Variants in CNTNAP2 observed in about 807,000 individuals in gnomAD.
The protein encoded by CNTNAP2 is contactin-associated protein-like 2.
In CNTNAP2, 98 loss-of-function variants were observed where a neutral mutation model predicts 155.2. That is an observed-to-expected ratio of 0.63 (90% confidence interval 0.54 to 0.75). The LOEUF (loss-of-function observed/expected upper bound fraction) is 0.75. Ranked by LOEUF, CNTNAP2 falls within the 30% of genes least tolerant of loss-of-function variation. The pLI is 0.00. For missense variants in CNTNAP2, 1,727 were observed against 1,688.1 expected, an observed-to-expected ratio of 1.02 and a Z score of -0.40; for synonymous variants, 651 against 631.2, an observed-to-expected ratio of 1.03 and a Z score of -0.47.
chr7:147,236,753 C>T (rs1803814213), intron 8 of CNTNAP2, among the ~76,000 whole-genome samples: 1 of 152,090 alleles, frequency 6.6e-6, no homozygotes, highest in South Asian at 2.1e-4. Flanking sequence ...ACCTGGGACT[C>T]ACCTTAGAGT....
At chr7:148,174,739 AT>A (rs1794903692) in intron 18 of CNTNAP2, among the ~76,000 whole-genome samples, 2 of 152,132 alleles carry the variant, frequency 1.3e-5, no homozygotes, top group Admixed American at 1.3e-4. Context: ...AAATACTAGT[AT>A]TTTTTCTTAT....
chr7:146,982,836 A>G (rs1798044634), intron 3 of CNTNAP2, among the ~76,000 whole-genome samples: 1 of 152,206 alleles, frequency 6.6e-6, no homozygotes, highest in Non-Finnish European at 1.5e-5. Context: ...ATTAACAGCA[A>G]TTGAAAATAA....
rs1425047414 is a variant in CNTNAP2 at position 148,068,149 on chromosome 7, C to G, written c.2384-49969C>G. 2.0e-5 allele frequency among the ~76,000 whole-genome samples: 3 copies of G among 152,302 alleles called. No homozygotes were observed. The East Asian group carries it at 5.8e-4, about 29-fold the overall frequency. On this transcript the variant is annotated intron_variant, in intron 15 of 23. Transcript: ENST00000361727. ...TGTAGCTTCTTTGCTCATATCTACA[C>G]TTTCTGTTCACCCCCTACCCCACCC...
intron 15 of CNTNAP2, among the ~76,000 whole-genome samples, chr7:148,008,265 G>A (rs752835948): frequency 1.9e-4 from 29 of 152,038 alleles, no homozygotes; most frequent in African/African-American, 6.0e-4. Context: ...CCAGCTACTC[G>A]GGAAGCTGAG....
chr7:148,332,119 A>G (rs1399917058), intron 21 of CNTNAP2, among the ~76,000 whole-genome samples: 2 of 151,814 alleles, frequency 1.3e-5, no homozygotes, highest in African/African-American at 4.8e-5. Context: ...ATAGATATAC[A>G]AAGAGATCAC....
chr7:148,261,563 G>A (rs1420132947), intron 20 of CNTNAP2, among the ~76,000 whole-genome samples: 1 of 152,210 alleles, frequency 6.6e-6, no homozygotes, highest in African/African-American at 2.4e-5. Flanking sequence ...TGCTGGAGAA[G>A]GTGTGTCTGC....
intron 14 of CNTNAP2, 117 bp downstream of exon 14, chr7:147,903,838 G>T: frequency 2.3e-6 from 3 of 1,304,798 alleles, no homozygotes; most frequent in South Asian, 2.5e-5. Flanking sequence ...AGGGTAGAAA[G>T]GTCTGGAACT....
intron 9 of CNTNAP2, among the ~76,000 whole-genome samples, chr7:147,309,022 A>C (rs190084259): frequency 6.6e-6 from 1 of 152,342 alleles, no homozygotes; most frequent in Non-Finnish European, 1.5e-5. Context: ...TGATTCACAA[A>C]TAACCTCCTC....
At chr7:147,161,348 T>G (rs1346897676) in intron 8 of CNTNAP2, among the ~76,000 whole-genome samples, 9 of 152,184 alleles carry the variant, frequency 5.9e-5, no homozygotes, top group Non-Finnish European at 1.3e-4. Context: ...TCCTGGGTAC[T>G]GTTGTTCAGC....
At chr7:146,254,781 T>C (rs1469989473) in intron 1 of CNTNAP2, among the ~76,000 whole-genome samples, 1 of 152,124 alleles carries the variant, frequency 6.6e-6, no homozygotes, top group Non-Finnish European at 1.5e-5. Flanking sequence ...GAGAAAAAGA[T>C]GATCAGAACT....
chr7:146,572,818 C>T lies in CNTNAP2; in HGVS notation c.98-201453C>T, dbSNP rs141755900. On this transcript the variant is annotated intron_variant, in intron 1 of 23. Coordinates refer to ENST00000361727, the MANE Select transcript of CNTNAP2 (RefSeq NM_014141.6). ...TCCTTGTGACCTTGGACAAAAGTAA[C>T]GATATTCTATAAAAATGTGGTTTGT... 9.8e-3 allele frequency among the ~76,000 whole-genome samples: 1,494 copies of T among 151,876 alleles called. 9 individuals are homozygous for T. Among genetic ancestry groups the T allele is most frequent in the Admixed American group, 0.016 (237 of 15,254 alleles).
intron 15 of CNTNAP2, among the ~76,000 whole-genome samples, chr7:148,064,970 G>A (rs1803226986): frequency 6.6e-6 from 1 of 152,092 alleles, no homozygotes; most frequent in Non-Finnish European, 1.5e-5. Context: ...CTGTATCCCA[G>A]AGGTTTTGAT....
In CNTNAP2 at chr7:147,281,341, A is replaced by T. The variant is rs73465182; in HGVS notation, c.1349-18800A>T. ...AGATTTACAAAATGGATTAGCCAAA[A>T]GCTTATATTAAATATTATTTTTAAA... On this transcript the variant is annotated intron_variant, in intron 8 of 23. Coordinates refer to ENST00000361727, the MANE Select transcript of CNTNAP2 (RefSeq NM_014141.6). 7.0e-3 allele frequency among the ~76,000 whole-genome samples: 1,058 copies of T among 152,002 alleles called. 13 individuals carry two copies. Among genetic ancestry groups the T allele is most frequent in the African/African-American group, 0.024 (1,012 of 41,544 alleles).
chr7:146,262,093 C>A (rs2129081689), intron 1 of CNTNAP2, among the ~76,000 whole-genome samples: 1 of 152,268 alleles, frequency 6.6e-6, no homozygotes, highest in Admixed American at 6.5e-5. Flanking sequence ...CCTCTCCTGT[C>A]CCTGCCACTC....
chr7:147,524,236 C>T (rs571463279), intron 11 of CNTNAP2, among the ~76,000 whole-genome samples: 4 of 152,214 alleles, frequency 2.6e-5, no homozygotes, highest in East Asian at 1.9e-4. Context: ...TGAAAAATAG[C>T]GTGGCTAGCC....
chr7:148,110,782 C>G (rs1399017288), intron 15 of CNTNAP2, among the ~76,000 whole-genome samples: 1 of 152,142 alleles, frequency 6.6e-6, no homozygotes, highest in African/African-American at 2.4e-5. Flanking sequence ...CTGTCCTACT[C>G]TACCCATGCA....
rs1421449562 is a variant in CNTNAP2, at chr7:146,664,023, G to A, written c.98-110248G>A. On this transcript the variant is annotated intron_variant, in intron 1 of 23. Transcript: ENST00000361727. ...TTTTGTAGATACTGTTTATCAGGTT[G>A]AAGAAGTTCTTTTCTATTACCAGTT... Among the ~76,000 whole-genome samples the A allele has an allele frequency of 3.3e-5, 5 of 152,008 alleles. No individual in the cohort carries two copies. In the East Asian group the frequency reaches 9.6e-4, roughly 29 times the overall value.
chr7:146,356,358 T>G (rs1167563070), intron 1 of CNTNAP2, among the ~76,000 whole-genome samples: 3 of 152,168 alleles, frequency 2.0e-5, no homozygotes, highest in African/African-American at 4.8e-5. Flanking sequence ...CCATTGTACT[T>G]CCCCATTTCA....
chr7:147,018,271 A>G (rs1190976368), intron 3 of CNTNAP2, among the ~76,000 whole-genome samples: 1 of 152,048 alleles, frequency 6.6e-6, no homozygotes. Context: ...AGAGAGCTGC[A>G]AGACAAGCCC....
Sources: allele counts gnomAD v4.1 joint callset (sites outside exome capture counted in the v4.1 genomes callset), GRCh38; gene constraint gnomAD v4.1.1; transcripts MANE v1.5; gene names NCBI Gene and HGNC (gene_info 2026-07-23, HGNC 2026-07-21).